Variants in HYDIN observed in about 807,000 individuals in gnomAD.
HYDIN encodes HYDIN axonemal central pair apparatus protein.
In HYDIN, 132 loss-of-function variants were observed where a neutral mutation model predicts 403.9. That is an observed-to-expected ratio of 0.33 (90% CI 0.28 to 0.38). The LOEUF (loss-of-function observed/expected upper bound fraction) is 0.38. HYDIN is among the 10% of genes least tolerant of loss of function. The probability of loss-of-function intolerance (pLI) is 1.00; values close to 1 mark genes in which losing one functional copy is unlikely to be tolerated. For synonymous variants in HYDIN, 1,202 were observed against 1,891.7 expected (o/e 0.64, Z 9.46); for missense variants, 2,827 against 5,009.5 (o/e 0.56, Z 13.15).
At chr16:71,058,684 T>C (rs552343206) in intron 18 of HYDIN, among the ~76,000 whole-genome samples, 6 of 151,064 alleles carry the variant, frequency 4.0e-5, no homozygotes, top group Non-Finnish European at 8.9e-5. Flanking sequence ...TCTGTTCTTG[T>C]GCAAAAATAA....
At position 70,985,644 on chromosome 16, in the gene HYDIN, T is replaced by C. The variant is rs112836360; in HGVS notation, c.4195-322A>G. ...TTCTACATTAAAAAGATTTGCCTAG[T>C]ATTCCATGGTGTATATGTGCCACAT... On this transcript the variant is annotated intron_variant, in intron 27 of 85. Coordinates refer to ENST00000393567, the MANE Select transcript of HYDIN (RefSeq NM_001270974.2). Among the ~76,000 whole-genome samples the C allele has an allele frequency of 5.3e-3, 796 of 149,834 alleles. 9 individuals carry two copies. Among genetic ancestry groups the C allele is most frequent in the African/African-American group, 0.019 (758 of 40,690 alleles).
At chr16:71,080,420 T>G (rs2082749905) in intron 12 of HYDIN, 1 of 152,548 alleles carries the variant, frequency 6.6e-6, no homozygotes, top group Non-Finnish European at 1.5e-5. Flanking sequence ...GTGACATTCC[T>G]ACCACTATGA....
chr16:70,832,807 T>C (rs774005919), intron 80 of HYDIN, 41 bp downstream of exon 80: 16 of 1,549,002 alleles, frequency 1.0e-5, no homozygotes, highest in Non-Finnish European at 1.4e-5. Flanking sequence ...CTTGCTGGGG[T>C]CACTCCTGCC....
At chr16:71,179,073 T>C in intron 3 of HYDIN, 26 bp from the exon 4 acceptor site, 1 of 1,596,572 alleles carries the variant, frequency 6.3e-7, no homozygotes, top group Non-Finnish European at 8.6e-7. Flanking sequence ...TAAATTATTG[T>C]TATAGTCACA....
At chr16:71,175,776 T>C (rs755073868) in intron 4 of HYDIN, 35 bp from the exon 5 acceptor site, 46 of 1,611,752 alleles carry the variant, frequency 2.9e-5, no homozygotes, top group Non-Finnish European at 3.6e-5. Flanking sequence ...ACATCGTGCA[T>C]GTGAAAAAGC....
chr16:70,893,124 G>A (rs2041574527), intron 55 of HYDIN, among the ~76,000 whole-genome samples: 2 of 152,176 alleles, frequency 1.3e-5, no homozygotes, highest in Non-Finnish European at 2.9e-5. Context: ...CATGCTCCAG[G>A]AGACCCTGGC....
At chr16:70,846,407 T>C (rs1271803182) in intron 75 of HYDIN, among the ~76,000 whole-genome samples, 1 of 151,734 alleles carries the variant, frequency 6.6e-6, no homozygotes, top group African/African-American at 2.4e-5. Context: ...GTCTAAGAAA[T>C]AGTTTGTTAT....
chr16:71,094,379 C>T (rs1411198165), intron 10 of HYDIN, among the ~76,000 whole-genome samples: 1 of 152,148 alleles, frequency 6.6e-6, no homozygotes, highest in Admixed American at 6.5e-5. Flanking sequence ...TATGAGCATA[C>T]AAGCTGTATT....
chr16:70,904,424 T>G (rs1597278120), intron 50 of HYDIN, among the ~76,000 whole-genome samples: 1 of 130,632 alleles, frequency 7.7e-6, no homozygotes, highest in Non-Finnish European at 1.7e-5. Flanking sequence ...GAGAAATATG[T>G]AGATCTATCC....
At chr16:71,122,676 C>G (rs1364970392) in intron 9 of HYDIN, among the ~76,000 whole-genome samples, 1 of 143,260 alleles carries the variant, frequency 7.0e-6, no homozygotes, top group Non-Finnish European at 1.5e-5. Flanking sequence ...TTGAGCTGTG[C>G]TCTCAAAGTC....
rs1483901675 is a variant in HYDIN at position 70,807,250 on chromosome 16, G to A, written c.*330C>T. 3.8e-6 allele frequency: 1 copy of A among 264,714 alleles called. No homozygotes were observed. Among genetic ancestry groups the A allele is most frequent in the Non-Finnish European group, 7.1e-6 (1 of 140,184 alleles). The allele number at this position is 264,714 out of a possible 1,614,324, so 16.4% of individuals were successfully genotyped here. On this transcript the variant is annotated 3_prime_UTR_variant, in exon 86 of 86. Transcript: ENST00000393567. Reference sequence around the variant, plus strand: ...CATTGCTAAGTGTTGTAGAGTAGAAGGTCACTAGTGTGATACCTGTGCCTT... The same window carrying A: ...CATTGCTAAGTGTTGTAGAGTAGAAAGTCACTAGTGTGATACCTGTGCCTT...
At chr16:71,178,605 C>T (rs1436738476) in intron 4 of HYDIN, among the ~76,000 whole-genome samples, 1 of 151,634 alleles carries the variant, frequency 6.6e-6, no homozygotes, top group African/African-American at 2.4e-5. Flanking sequence ...ATAGTAATTT[C>T]CCTATCTTAA....
chr16:70,868,784 C>T lies in HYDIN; in HGVS notation c.11096G>A (p.Gly3699Asp). 6.2e-7 allele frequency: 1 copy of T among 1,613,454 alleles called. No homozygotes were observed. The highest frequency in any genetic ancestry group is 1.1e-5 in the South Asian group (1 of 90,924). The change falls in exon 66 of 86, where the codon GGC becomes GAC. Residue 3699 changes from glycine (G) to aspartate (D), a missense_variant. Transcript: ENST00000393567. ...CTTGGCACACCCAGGGTGGAGGTGG[C>T]CCATCTAGGAAAGAGCCTGGTATTA... ...SATIAFSPQM[G>D]HLHPGCAKDI...
intron 53 of HYDIN, among the ~76,000 whole-genome samples, chr16:70,898,662 A>C (rs1458672424): frequency 6.6e-6 from 1 of 152,184 alleles, no homozygotes; most frequent in Admixed American, 6.5e-5. Context: ...GGCTGCTTTA[A>C]GCGGTAGTGG....
intron 1 of HYDIN, among the ~76,000 whole-genome samples, chr16:71,188,414 G>C (rs1005159102): frequency 4.6e-5 from 7 of 152,114 alleles, no homozygotes; most frequent in African/African-American, 1.4e-4. Flanking sequence ...TTTTGGTTGG[G>C]GAGCCCATTC....
chr16:71,178,493 A>C (rs1276780441), intron 4 of HYDIN, among the ~76,000 whole-genome samples: 3 of 149,446 alleles, frequency 2.0e-5, no homozygotes, highest in Non-Finnish European at 4.4e-5. Context: ...ATATATATAC[A>C]GACATACATA....
intron 49 of HYDIN, among the ~76,000 whole-genome samples, 190 bp from the exon 50 acceptor site, chr16:70,907,681 A>G (rs1241031521): frequency 6.6e-6 from 1 of 151,702 alleles, no homozygotes; most frequent in Non-Finnish European, 1.5e-5. Context: ...ACTTGAAAAA[A>G]AAAGACTCCC....
At chr16:70,981,137 G>T (rs1461742603) in intron 29 of HYDIN, among the ~76,000 whole-genome samples, 1 of 152,020 alleles carries the variant, frequency 6.6e-6, no homozygotes, top group East Asian at 1.9e-4. Context: ...AGCTTTTGGA[G>T]GTAAATTTCC....
At chr16:71,177,675 A>AT (rs1394472839) in intron 4 of HYDIN, among the ~76,000 whole-genome samples, 2 of 152,088 alleles carry the variant, frequency 1.3e-5, no homozygotes, top group Non-Finnish European at 2.9e-5. Context: ...TATAGCTAGA[A>AT]TTTTTTGTCT....
Sources: gnomAD v4.1 joint callset for allele counts (sites outside exome capture counted in the v4.1 genomes callset) on GRCh38, gnomAD v4.1.1 for gene constraint, MANE v1.5 for transcripts, NCBI Gene and HGNC (gene_info 2026-07-23, HGNC 2026-07-21) for gene names.